The following KCMF1 variants were observed in gnomAD, a reference collection of about 807,000 sequenced individuals.
The protein encoded by KCMF1 is E3 ubiquitin-protein ligase KCMF1.
In KCMF1, 3 loss-of-function variants were observed where a neutral mutation model predicts 41.1. The ratio of observed to expected loss-of-function variants is 0.07; its 90% CI spans 0.03 to 0.19. KCMF1 has a LOEUF of 0.19. Among genes scored for constraint, KCMF1 ranks in the 10% least tolerant of loss-of-function variants. The pLI is 1.00. For synonymous variants in KCMF1, 142 were observed against 164.5 expected, an observed-to-expected ratio of 0.86 and a Z score of 1.04; for missense variants, 286 against 488.9, an observed-to-expected ratio of 0.58 and a Z score of 3.91.
intron 4 of KCMF1, among the ~76,000 whole-genome samples, chr2:85,044,419 G>C (rs1675614453): frequency 6.6e-6 from 1 of 151,882 alleles, no homozygotes; most frequent in Non-Finnish European, 1.5e-5. Context: ...CTGTCAGCCA[G>C]GCTGGAGTAC....
intron 2 of KCMF1, among the ~76,000 whole-genome samples, chr2:85,032,187 T>C (rs562413741): frequency 8.4e-4 from 128 of 152,122 alleles, no homozygotes; most frequent in South Asian, 1.2e-3. Flanking sequence ...GTTGGTTTTC[T>C]TTGAGATGGA....
Position 85,053,556 on chromosome 2 carries a change from T to C in KCMF1, c.*147T>C, listed in dbSNP as rs1164626539. The C allele has an allele frequency of 1.2e-6, 1 of 855,804 alleles. No individual in the cohort carries two copies. Among genetic ancestry groups the C allele is most frequent in the Non-Finnish European group, 1.8e-6 (1 of 566,822 alleles). 53.0% of individuals were successfully genotyped at this position (855,804 alleles called of 1,614,324 possible). A position where few individuals can be genotyped will look rare whatever the true frequency, so the allele number is the denominator to read the frequency against. On this transcript the variant is annotated 3_prime_UTR_variant, in exon 7 of 7. Transcript: ENST00000409785. ...ACATTCAAAAGGAAGAGAGAAAATA[T>C]ATATGATAATCATTTCCACTTAACT...
rs143278105 is a variant in KCMF1 at position 85,019,567 on chromosome 2, G to C, written c.17-8322G>C. On this transcript the variant is annotated intron_variant, in intron 1 of 6. Transcript: ENST00000409785. ...AGCAGGCTATATGGAAAAACTGTATGTTATAAAACATTTTTACTTCCCTCG... is the reference window on the plus strand; with the variant it reads ...AGCAGGCTATATGGAAAAACTGTATCTTATAAAACATTTTTACTTCCCTCG... 1.7e-3 allele frequency among the ~76,000 whole-genome samples: 252 copies of C among 152,174 alleles called. 1 individual carries two copies. The highest frequency in any genetic ancestry group is 3.0e-3 in the Non-Finnish European group (204 of 67,986).
chr2:85,031,253 C>A (rs1675260113), intron 2 of KCMF1, among the ~76,000 whole-genome samples: 2 of 152,194 alleles, frequency 1.3e-5, no homozygotes, highest in South Asian at 2.1e-4. Flanking sequence ...AATATTAAAT[C>A]TGCTGATACA....
chr2:85,015,405 A>G (rs1674746634), intron 1 of KCMF1, among the ~76,000 whole-genome samples: 1 of 152,186 alleles, frequency 6.6e-6, no homozygotes, highest in Admixed American at 6.5e-5. Flanking sequence ...AGATTGAGTA[A>G]TATAGAAGCT....
intron 1 of KCMF1, among the ~76,000 whole-genome samples, chr2:84,987,681 G>T (rs1673939163): frequency 6.6e-6 from 1 of 152,118 alleles, no homozygotes; most frequent in African/African-American, 2.4e-5. Context: ...AGAGAAATTG[G>T]GGCTAGATTT....
intron 6 of KCMF1, among the ~76,000 whole-genome samples, chr2:85,051,094 T>G (rs1675797289): frequency 6.6e-6 from 1 of 152,262 alleles, no homozygotes. Flanking sequence ...ATGGTACTCG[T>G]TATCAACATT....
At chr2:85,047,526 C>T (rs998881604) in intron 5 of KCMF1, among the ~76,000 whole-genome samples, 2 of 151,202 alleles carry the variant, frequency 1.3e-5, no homozygotes, top group African/African-American at 4.9e-5. Context: ...AATGTCCTGA[C>T]CTTGATTTGA....
intron 2 of KCMF1, among the ~76,000 whole-genome samples, chr2:85,033,482 G>A (rs2104037995): frequency 6.6e-6 from 1 of 152,258 alleles, no homozygotes; most frequent in East Asian, 1.9e-4. Flanking sequence ...AGCTTCATCT[G>A]GTCGACTTCA....
chr2:85,008,465 A>G (rs759441140), intron 1 of KCMF1, among the ~76,000 whole-genome samples: 19 of 127,744 alleles, frequency 1.5e-4, no homozygotes, highest in Non-Finnish European at 2.7e-4. Context: ...TATATGTTAC[A>G]TGATATATAT....
chr2:85,023,203 T>C (rs1362349882), intron 1 of KCMF1, among the ~76,000 whole-genome samples: 2 of 151,232 alleles, frequency 1.3e-5, no homozygotes, highest in Non-Finnish European at 3.0e-5. Flanking sequence ...GTATGTATTC[T>C]TTGAAATTTC....
intron 1 of KCMF1, among the ~76,000 whole-genome samples, chr2:84,999,596 TAAAAG>T (rs1251933758): frequency 1.3e-5 from 2 of 152,214 alleles, no homozygotes; most frequent in Non-Finnish European, 2.9e-5. Flanking sequence ...AAGTTGGACT[TAAAAG>T]AAATAAGATC....
chr2:84,985,570 C>A (rs760634739), intron 1 of KCMF1, among the ~76,000 whole-genome samples: 4 of 152,134 alleles, frequency 2.6e-5, no homozygotes, highest in Admixed American at 6.6e-5. Context: ...GTGGCTCACG[C>A]CTCTAATCTT....
At chr2:84,998,376 T>C (rs1187966187) in intron 1 of KCMF1, among the ~76,000 whole-genome samples, 2 of 152,128 alleles carry the variant, frequency 1.3e-5, no homozygotes, top group African/African-American at 4.8e-5. Context: ...ATTATAGGCA[T>C]GAGCCACCAT....
At chr2:84,986,038 A>AAATACTAG (rs1307926460) in intron 1 of KCMF1, among the ~76,000 whole-genome samples, 1 of 152,206 alleles carries the variant, frequency 6.6e-6, no homozygotes, top group African/African-American at 2.4e-5. Flanking sequence ...TTAAAAACCA[A>AAATACTAG]AATACTAGTT....
chr2:85,033,239 C>G (rs528870298), intron 2 of KCMF1, among the ~76,000 whole-genome samples: 1 of 152,284 alleles, frequency 6.6e-6, no homozygotes, highest in African/African-American at 2.4e-5. Flanking sequence ...TGAACACTTT[C>G]TTCCATTTTC....
At chr2:84,988,125 G>A (rs1673948544) in intron 1 of KCMF1, among the ~76,000 whole-genome samples, 1 of 152,024 alleles carries the variant, frequency 6.6e-6, no homozygotes, top group African/African-American at 2.4e-5. Flanking sequence ...CCAGCTACTC[G>A]GGAGGCTGAG....
chr2:84,972,750 AT>A (rs1673432886), intron 1 of KCMF1, among the ~76,000 whole-genome samples: 1 of 152,254 alleles, frequency 6.6e-6, no homozygotes, highest in Non-Finnish European at 1.5e-5. Flanking sequence ...CAAAATTCGC[AT>A]TACTAATTGC....
At chr2:85,049,872 C>A (rs1348067525) in intron 6 of KCMF1, among the ~76,000 whole-genome samples, 1 of 152,132 alleles carries the variant, frequency 6.6e-6, no homozygotes, top group African/African-American at 2.4e-5. Context: ...CCCAGTGGCT[C>A]ACACCTGTAA....
Sources: gnomAD v4.1 joint callset for allele counts (sites outside exome capture counted in the v4.1 genomes callset) on GRCh38, gnomAD v4.1.1 for gene constraint, MANE v1.5 for transcripts, NCBI Gene and HGNC (gene_info 2026-07-23, HGNC 2026-07-21) for gene names.